SPMIP2: variants seen among roughly 807,000 people sequenced by gnomAD.
SPMIP2 encodes the protein protein SPMIP2.
the SPMIP2 span, among the ~76,000 whole-genome samples, chr4:158,938,292 A>C: frequency 6.6e-6 from 1 of 152,160 alleles, no homozygotes; most frequent in East Asian, 1.9e-4. Flanking sequence ...GTGTAAACAT[A>C]TTTATTTTTC....
the SPMIP2 span, among the ~76,000 whole-genome samples, chr4:159,060,496 T>C: frequency 6.6e-6 from 1 of 152,178 alleles, no homozygotes; most frequent in African/African-American, 2.4e-5. Context: ...AATGATTGTT[T>C]CCCAGACACT....
chr4:158,933,901 T>G, the SPMIP2 span, among the ~76,000 whole-genome samples: 1 of 152,228 alleles, frequency 6.6e-6, no homozygotes, highest in Admixed American at 6.5e-5. Flanking sequence ...TTACTTTCAG[T>G]TCTTACAATC....
At chr4:159,042,993 C>T in the SPMIP2 span, among the ~76,000 whole-genome samples, 18 of 152,192 alleles carry the variant, frequency 1.2e-4, no homozygotes, top group East Asian at 9.6e-4. Flanking sequence ...AACTCCTCTA[C>T]TCTGACCCCC....
At chr4:159,067,384 C>T in the SPMIP2 span, among the ~76,000 whole-genome samples, 1 of 152,106 alleles carries the variant, frequency 6.6e-6, no homozygotes, top group Admixed American at 6.5e-5. Flanking sequence ...TGGGACGCCA[C>T]CATGCCCGGC....
At chr4:158,958,781 C>G in the SPMIP2 span, among the ~76,000 whole-genome samples, 1 of 152,164 alleles carries the variant, frequency 6.6e-6, no homozygotes, top group South Asian at 2.1e-4. Context: ...AGGGTAGGTG[C>G]TTATAGTCTC....
chr4:158,903,147 G>A, the SPMIP2 span, among the ~76,000 whole-genome samples: 1 of 152,206 alleles, frequency 6.6e-6, no homozygotes, highest in South Asian at 2.1e-4. Context: ...TGGTCTGTGG[G>A]TCATGAAGAC....
At chr4:158,986,414 A>G in the SPMIP2 span, among the ~76,000 whole-genome samples, 12 of 152,240 alleles carry the variant, frequency 7.9e-5, no homozygotes, top group African/African-American at 2.7e-4. Flanking sequence ...CCAAAACACC[A>G]TGGTACTGGT....
the SPMIP2 span, among the ~76,000 whole-genome samples, chr4:158,975,843 A>G: frequency 2.6e-3 from 398 of 152,252 alleles, 1 homozygote; most frequent in African/African-American, 9.4e-3. Context: ...AAGAAAGTCA[A>G]TGGTAGCTTG....
the SPMIP2 span, among the ~76,000 whole-genome samples, chr4:159,074,305 G>A: frequency 3.3e-5 from 5 of 152,086 alleles, no homozygotes; most frequent in African/African-American, 4.8e-5. Context: ...GAAGGCAGGC[G>A]TAGAAGAGAG....
chr4:158,962,399 A>AT, the SPMIP2 span, among the ~76,000 whole-genome samples: 1 of 152,172 alleles, frequency 6.6e-6, no homozygotes, highest in Non-Finnish European at 1.5e-5. Context: ...TTCCATCTCT[A>AT]TAACTATGAG....
the SPMIP2 span, chr4:158,907,016 A>G: frequency 2.0e-5 from 3 of 152,228 alleles, no homozygotes; most frequent in African/African-American, 7.2e-5. Flanking sequence ...GGTTTCTTCA[A>G]CTTTTAAGTC....
At chr4:159,018,876 G>A in the SPMIP2 span, among the ~76,000 whole-genome samples, 1 of 152,156 alleles carries the variant, frequency 6.6e-6, no homozygotes, top group Non-Finnish European at 1.5e-5. Context: ...GGATCACGAG[G>A]TCAGGAGATC....
the SPMIP2 span, among the ~76,000 whole-genome samples, chr4:159,006,360 C>A: frequency 6.6e-6 from 1 of 152,134 alleles, no homozygotes; most frequent in African/African-American, 2.4e-5. Flanking sequence ...CATGTTTACG[C>A]GAGATGAAAA....
At chr4:158,990,503 G>T in the SPMIP2 span, among the ~76,000 whole-genome samples, 2 of 152,160 alleles carry the variant, frequency 1.3e-5, no homozygotes, top group Non-Finnish European at 2.9e-5. Flanking sequence ...GCCCATCAAT[G>T]AAAGACTGGA....
At chr4:158,979,660 T>C in the SPMIP2 span, among the ~76,000 whole-genome samples, 2 of 152,184 alleles carry the variant, frequency 1.3e-5, no homozygotes, top group African/African-American at 4.8e-5. Flanking sequence ...GCCCATATAC[T>C]ATGATTTTCC....
chr4:158,967,015 T>C, the SPMIP2 span, among the ~76,000 whole-genome samples: 1 of 152,204 alleles, frequency 6.6e-6, no homozygotes, highest in South Asian at 2.1e-4. Context: ...CCAAACGCAT[T>C]ACTCTTTGTG....
chr4:158,994,850 T>C, the SPMIP2 span, among the ~76,000 whole-genome samples: 4 of 152,206 alleles, frequency 2.6e-5, no homozygotes, highest in South Asian at 2.1e-4. Context: ...CAACTGCTAA[T>C]GTGAATAAGG....
chr4:159,015,776 A>G, the SPMIP2 span, among the ~76,000 whole-genome samples: 1 of 152,252 alleles, frequency 6.6e-6, no homozygotes, highest in Non-Finnish European at 1.5e-5. Flanking sequence ...TTAAAAACCT[A>G]GAATTTTGTG....
the SPMIP2 span, among the ~76,000 whole-genome samples, chr4:159,034,620 G>C: frequency 6.6e-6 from 1 of 152,216 alleles, no homozygotes; most frequent in Non-Finnish European, 1.5e-5. Context: ...GTTGGGCATG[G>C]TGGCTGATGC....
Sources: gnomAD v4.1 joint callset for allele counts (sites outside exome capture counted in the v4.1 genomes callset) on GRCh38, gnomAD v4.1.1 for gene constraint, MANE v1.5 for transcripts, NCBI Gene and HGNC (gene_info 2026-07-23, HGNC 2026-07-21) for gene names.